Variants in PDE4D observed in about 807,000 individuals in gnomAD.
The protein encoded by PDE4D is phosphodiesterase 4D.
A neutral mutation model predicts 87.4 loss-of-function variants in PDE4D; 24 were observed. The observed-to-expected ratio is 0.27, with a 90% CI of 0.20 to 0.39. The LOEUF is 0.39. Ranked by LOEUF, PDE4D falls within the 10% of genes least tolerant of loss-of-function variation. PDE4D has a pLI of 1.00. For synonymous variants in PDE4D, 384 were observed against 383.2 expected (o/e 1.00, Z -0.02); for missense variants, 714 against 1,041.0 (o/e 0.69, Z 4.32).
At chr5:59,661,074 T>TTATATATATATATATATATATATA (rs3062479) in intron 1 of PDE4D, among the ~76,000 whole-genome samples, 85 of 140,030 alleles carry the variant, frequency 6.1e-4, no homozygotes, top group African/African-American at 2.0e-3. Flanking sequence ...CATGATAATA[T>TTATATATATATATATATATATATA]TATATATATA....
chr5:59,581,247 T>C (rs1183174340), intron 1 of PDE4D, among the ~76,000 whole-genome samples: 1 of 152,142 alleles, frequency 6.6e-6, no homozygotes, highest in Non-Finnish European at 1.5e-5. Context: ...ACATTCGACC[T>C]ATGGCAATAA....
chr5:59,674,451 AATTT>A (rs1349294444), intron 1 of PDE4D, among the ~76,000 whole-genome samples: 1 of 152,146 alleles, frequency 6.6e-6, no homozygotes, highest in African/African-American at 2.4e-5. Context: ...CCAATAAATT[AATTT>A]ATTATGTCTG....
chr5:59,177,848 A>C (rs1374054659), intron 5 of PDE4D, among the ~76,000 whole-genome samples: 1 of 152,128 alleles, frequency 6.6e-6, no homozygotes, highest in Non-Finnish European at 1.5e-5. Context: ...CTAGTGAGAG[A>C]AGCCACATGG....
chr5:59,295,984 G>T (rs902461723), intron 1 of PDE4D, among the ~76,000 whole-genome samples: 4 of 151,978 alleles, frequency 2.6e-5, no homozygotes, highest in Non-Finnish European at 5.9e-5. Flanking sequence ...TATTCAGAGA[G>T]CCAACATAGC....
chr5:59,930,322 G>A (rs372762357), intron 3 of PDE4D, among the ~76,000 whole-genome samples: 8 of 152,098 alleles, frequency 5.3e-5, no homozygotes, highest in African/African-American at 1.9e-4. Flanking sequence ...TAAATCCAAT[G>A]ATAAGTGCCC....
chr5:59,083,060 G>A (rs567481351), intron 5 of PDE4D, among the ~76,000 whole-genome samples: 2 of 152,178 alleles, frequency 1.3e-5, no homozygotes, highest in East Asian at 3.9e-4. Context: ...GAATCTGTAG[G>A]AGGTAAAGTT....
chr5:60,230,905 C>G (rs956537834), intron 1 of PDE4D, among the ~76,000 whole-genome samples: 1 of 151,998 alleles, frequency 6.6e-6, no homozygotes, highest in East Asian at 1.9e-4. Flanking sequence ...TCAGTTGAAA[C>G]CCTTAGTTCT....
intron 2 of PDE4D, among the ~76,000 whole-genome samples, chr5:60,001,747 A>C (rs1764033889): frequency 6.6e-6 from 1 of 152,178 alleles, no homozygotes; most frequent in Admixed American, 6.5e-5. Context: ...CATCAGTAGC[A>C]CAAAATGACG....
intron 1 of PDE4D, among the ~76,000 whole-genome samples, chr5:59,295,863 G>A (rs1037183259): frequency 6.6e-6 from 1 of 151,274 alleles, no homozygotes; most frequent in Admixed American, 6.6e-5. Flanking sequence ...AAAAAAAACA[G>A]CTTTGGAATG....
intron 1 of PDE4D, among the ~76,000 whole-genome samples, chr5:59,700,831 A>G (rs537316279): frequency 1.3e-5 from 2 of 152,290 alleles, no homozygotes; most frequent in African/African-American, 4.8e-5. Flanking sequence ...TCTCCTCTCA[A>G]TCCCGTAGAA....
chr5:59,455,820 G>A (rs1407267528), intron 1 of PDE4D, among the ~76,000 whole-genome samples: 2 of 152,226 alleles, frequency 1.3e-5, no homozygotes, highest in South Asian at 4.1e-4. Flanking sequence ...TGACCCAAAT[G>A]TGAGACATGG....
chr5:60,124,641 T>A (rs193044271), intron 2 of PDE4D, among the ~76,000 whole-genome samples: 19 of 152,294 alleles, frequency 1.2e-4, no homozygotes, highest in South Asian at 8.3e-4. Flanking sequence ...CCCATTTACA[T>A]AGCAACCTGC....
At chr5:59,058,556 G>T (rs1762674560) in intron 5 of PDE4D, among the ~76,000 whole-genome samples, 3 of 152,150 alleles carry the variant, frequency 2.0e-5, no homozygotes, top group Admixed American at 2.0e-4. Context: ...TCTAAAAAGT[G>T]TTCTGGTTTG....
At chr5:59,919,180 C>A (rs1475085784) in intron 3 of PDE4D, among the ~76,000 whole-genome samples, 1 of 152,140 alleles carries the variant, frequency 6.6e-6, no homozygotes, top group Non-Finnish European at 1.5e-5. Flanking sequence ...GCAAAATACT[C>A]CCCAAGCAGG....
intron 1 of PDE4D, among the ~76,000 whole-genome samples, chr5:59,759,882 G>T (rs1014575696): frequency 3.3e-5 from 5 of 152,088 alleles, no homozygotes. Flanking sequence ...CTCTTCTCCG[G>T]GTATTATTAC....
intron 1 of PDE4D, among the ~76,000 whole-genome samples, chr5:60,432,653 G>T (rs904344492): frequency 1.3e-5 from 2 of 152,140 alleles, no homozygotes; most frequent in African/African-American, 2.4e-5. Context: ...TAAAGCTGGA[G>T]GAATCACATC....
intron 1 of PDE4D, among the ~76,000 whole-genome samples, chr5:60,373,957 T>A (rs2149990349): frequency 6.6e-6 from 1 of 152,278 alleles, no homozygotes; most frequent in East Asian, 1.9e-4. Context: ...ACCCAGATAA[T>A]CCAGGGTAAT....
Position 59,999,526 on chromosome 5 carries a change from T to TAAA in PDE4D, c.43-10812_43-10810dup, listed in dbSNP as rs1325345412. On this transcript the variant is annotated intron_variant, in intron 2 of 16. Transcript: ENST00000502484. ...AATTCAAAGAAGATGTATCCCGTGG[T>TAAA]AAAAAAAAAAAAAAACAAAACAAAA... Among the ~76,000 whole-genome samples, 14 of 57,142 alleles carry TAAA rather than the reference T, an allele frequency of 2.5e-4. No homozygotes were observed. In the East Asian group the frequency reaches 3.2e-3, roughly 13 times the overall value. 37.5% of individuals were successfully genotyped at this position (57,142 alleles called of 152,430 possible).
At chr5:60,146,366 TC>T (rs1299416325) in intron 2 of PDE4D, among the ~76,000 whole-genome samples, 1 of 152,230 alleles carries the variant, frequency 6.6e-6, no homozygotes, top group Non-Finnish European at 1.5e-5. Flanking sequence ...GTCTCCACCA[TC>T]ATATAGTCTC....
Sources: gnomAD v4.1 joint callset for allele counts (sites outside exome capture counted in the v4.1 genomes callset) on GRCh38, gnomAD v4.1.1 for gene constraint, MANE v1.5 for transcripts, NCBI Gene and HGNC (gene_info 2026-07-23, HGNC 2026-07-21) for gene names.